AGPS: variants seen among roughly 807,000 people sequenced by gnomAD.
AGPS encodes alkylglycerone phosphate synthase, also known as alkyldihydroxyacetonephosphate synthase, peroxisomal.
AGPS carries 26 observed loss-of-function variants against 90.7 expected under a neutral mutation model. The ratio of observed to expected loss-of-function variants is 0.29; its 90% confidence interval spans 0.21 to 0.40. The LOEUF is 0.40. Among genes scored for constraint, AGPS ranks in the 10% least tolerant of loss-of-function variants. AGPS has a pLI of 1.00. For missense variants in AGPS, 540 were observed against 816.1 expected, an observed-to-expected ratio of 0.66 and a Z score of 4.12; for synonymous variants, 294 against 285.3, an observed-to-expected ratio of 1.03 and a Z score of -0.31.
At chr2:177,438,299 TA>T (rs1412034299) in intron 5 of AGPS, among the ~76,000 whole-genome samples, 1 of 152,198 alleles carries the variant, frequency 6.6e-6, no homozygotes, top group Non-Finnish European at 1.5e-5. Context: ...TGCATGCCTG[TA>T]GTCCCCGTTA....
chr2:177,495,917 C>CAA (rs57571340), intron 12 of AGPS, among the ~76,000 whole-genome samples: 38 of 93,104 alleles, frequency 4.1e-4, no homozygotes, highest in Non-Finnish European at 5.4e-4. Flanking sequence ...GACTCTGTCT[C>CAA]AAAAAAAAAA....
rs140156219 is a variant in AGPS, at chr2:177,427,693, G to C, written c.351-6634G>C. Among the ~76,000 whole-genome samples, 610 of 152,294 alleles carry C rather than the reference G, an allele frequency of 4.0e-3. 5 individuals carry two copies. The highest frequency in any genetic ancestry group is 0.032 in the East Asian group (167 of 5,192). On this transcript the variant is annotated intron_variant, in intron 2 of 19. Coordinates refer to ENST00000264167, the MANE Select transcript of AGPS (RefSeq NM_003659.4). ...TTCTAACCTGATTGTGTTGTGGTCT[G>C]AGAGACTGTTATGATTTCAGTTATT...
intron 19 of AGPS, 30 bp downstream of exon 19, chr2:177,523,835 T>A (rs751241245): frequency 6.4e-7 from 1 of 1,560,408 alleles, no homozygotes; most frequent in Non-Finnish European, 8.8e-7. Flanking sequence ...GAATTTCTAA[T>A]ATTCTTACTT....
At chr2:177,488,652 G>A (rs1244247054) in intron 11 of AGPS, among the ~76,000 whole-genome samples, 1 of 152,126 alleles carries the variant, frequency 6.6e-6, no homozygotes, top group Non-Finnish European at 1.5e-5. Flanking sequence ...CCAAATTTTT[G>A]TATAGCACAT....
chr2:177,402,931 C>T (rs183203015), intron 1 of AGPS, among the ~76,000 whole-genome samples: 29 of 152,292 alleles, frequency 1.9e-4, no homozygotes, highest in Non-Finnish European at 3.8e-4. Flanking sequence ...GTGGTGCACG[C>T]CTGTAGTCCC....
At chr2:177,519,837 A>G (rs1343465665) in intron 17 of AGPS, among the ~76,000 whole-genome samples, 2 of 152,222 alleles carry the variant, frequency 1.3e-5, no homozygotes, top group Non-Finnish European at 2.9e-5. Context: ...AGTGAAAGCA[A>G]GTTTATCAGC....
intron 11 of AGPS, among the ~76,000 whole-genome samples, chr2:177,492,639 C>T (rs1440972040): frequency 2.0e-5 from 3 of 152,076 alleles, no homozygotes; most frequent in African/African-American, 4.8e-5. Flanking sequence ...GTGCATGTGT[C>T]TGTGTTTTAA....
intron 12 of AGPS, 95 bp downstream of exon 12, chr2:177,493,294 G>A (rs112072819): frequency 2.7e-4 from 298 of 1,084,106 alleles, no homozygotes; most frequent in Non-Finnish European, 4.0e-4. Flanking sequence ...TAGAAAGAAC[G>A]TCAGTCTTGC....
intron 19 of AGPS, among the ~76,000 whole-genome samples, chr2:177,537,502 T>C (rs2079194506): frequency 6.6e-6 from 1 of 152,098 alleles, no homozygotes; most frequent in Non-Finnish European, 1.5e-5. Flanking sequence ...TTTGGGAACA[T>C]GCAAATTTAT....
intron 8 of AGPS, among the ~76,000 whole-genome samples, chr2:177,452,762 C>T (rs1392477946): frequency 6.6e-6 from 1 of 151,828 alleles, no homozygotes; most frequent in Non-Finnish European, 1.5e-5. Flanking sequence ...CCCTCTTTTA[C>T]TGCCTTTTTG....
At chr2:177,418,871 G>C (rs1230888825) in intron 1 of AGPS, among the ~76,000 whole-genome samples, 4 of 151,700 alleles carry the variant, frequency 2.6e-5, no homozygotes, top group South Asian at 2.1e-4. Flanking sequence ...TCTCCATAGA[G>C]ATTTTTCCAA....
intron 2 of AGPS, 26 bp downstream of exon 2, chr2:177,420,384 G>A (rs761928102): frequency 2.0e-6 from 3 of 1,499,064 alleles, no homozygotes. Context: ...TTCTTCTTTT[G>A]TTCCTCCTTT....
At chr2:177,537,488 A>G (rs187195855) in intron 19 of AGPS, among the ~76,000 whole-genome samples, 2 of 152,250 alleles carry the variant, frequency 1.3e-5, no homozygotes, top group Admixed American at 1.3e-4. Context: ...GAAAGTAACC[A>G]TTATTTGGGA....
intron 19 of AGPS, among the ~76,000 whole-genome samples, chr2:177,528,230 A>G (rs75378474): frequency 0.11 from 17,107 of 152,244 alleles, 1,257 homozygotes; most frequent in East Asian, 0.36. Flanking sequence ...TATTTTCTGC[A>G]GTAGCCTCCT....
At chr2:177,491,771 C>A (rs75816697) in intron 11 of AGPS, among the ~76,000 whole-genome samples, 3 of 122,390 alleles carry the variant, frequency 2.5e-5, no homozygotes, top group Admixed American at 7.9e-5. Context: ...CCCCCCCCCC[C>A]CCTTTTTTTT....
chr2:177,501,655 G>A (rs1574014288), intron 14 of AGPS, among the ~76,000 whole-genome samples: 2 of 151,986 alleles, frequency 1.3e-5, no homozygotes, highest in East Asian at 3.9e-4. Context: ...GGATTTTTTT[G>A]TTTGTTTGTT....
At chr2:177,406,323 C>T (rs1009210738) in intron 1 of AGPS, among the ~76,000 whole-genome samples, 3 of 152,132 alleles carry the variant, frequency 2.0e-5, no homozygotes, top group Admixed American at 2.0e-4. Context: ...TACATTCTAA[C>T]ATTGCAAAAA....
intron 8 of AGPS, among the ~76,000 whole-genome samples, chr2:177,454,788 T>C (rs1023988932): frequency 6.6e-6 from 1 of 152,158 alleles, no homozygotes; most frequent in African/African-American, 2.4e-5. Context: ...AGTCTGAGAC[T>C]AATTACTTTC....
chr2:177,521,389 A>T (rs766230969), intron 18 of AGPS, 21 bp downstream of exon 18: 11 of 1,554,150 alleles, frequency 7.1e-6, no homozygotes, highest in African/African-American at 1.4e-5. Flanking sequence ...ATACCTGCAT[A>T]TAGCTTTTAC....
Sources: gnomAD v4.1 joint callset for allele counts (sites outside exome capture counted in the v4.1 genomes callset) on GRCh38, gnomAD v4.1.1 for gene constraint, MANE v1.5 for transcripts, NCBI Gene and HGNC (gene_info 2026-07-23, HGNC 2026-07-21) for gene names.